KLHL1: variants seen among roughly 807,000 people sequenced by gnomAD.
The protein encoded by KLHL1 is kelch like family member 1, also known as kelch-like protein 1.
Under a neutral mutation model 77.7 loss-of-function variants are expected in KLHL1, and 47 were observed. The observed-to-expected ratio is 0.60, with a 90% confidence interval of 0.48 to 0.77. KLHL1 has a LOEUF of 0.77. Ranked by LOEUF, KLHL1 falls within the 30% of genes least tolerant of loss-of-function variation. The probability of loss-of-function intolerance (pLI) is 0.00; values close to 1 mark genes in which losing one functional copy is unlikely to be tolerated. For synonymous variants in KLHL1, 360 were observed against 325.2 expected (o/e 1.11, Z -1.15); for missense variants, 925 against 910.8 (o/e 1.02, Z -0.20).
rs74090438 is a variant in KLHL1, at chr13:69,740,677, T to A, written c.1640-121A>T. 11,358 of 600,772 alleles carry A rather than the reference T, an allele frequency of 0.019. 711 individuals are homozygous for A. Among genetic ancestry groups the A allele is most frequent in the African/African-American group, 0.15 (8,351 of 54,194 alleles). The allele number at this position is 600,772 out of a possible 1,614,324, so 37.2% of individuals were successfully genotyped here. A position where few individuals can be genotyped will look rare whatever the true frequency, so the allele number is the denominator to read the frequency against. On this transcript the variant is annotated intron_variant, in intron 7 of 10. Coordinates refer to ENST00000377844, the MANE Select transcript of KLHL1 (RefSeq NM_020866.3). Reference sequence around the variant, plus strand: ...CTAACATAATAAAATGAAAAAAAATTAAAAATTGAATAGATTTATTTCACA... The same window carrying A: ...CTAACATAATAAAATGAAAAAAAATAAAAAATTGAATAGATTTATTTCACA...
chr13:69,766,264 A>G (rs1452709961), intron 7 of KLHL1, among the ~76,000 whole-genome samples: 2 of 151,844 alleles, frequency 1.3e-5, no homozygotes, highest in Admixed American at 6.6e-5. Flanking sequence ...CCTCAAAGGT[A>G]TAAGTTTTTC....
chr13:69,838,820 C>A (rs1879128989), intron 6 of KLHL1, among the ~76,000 whole-genome samples, 156 bp downstream of exon 6: 1 of 151,824 alleles, frequency 6.6e-6, no homozygotes, highest in Non-Finnish European at 1.5e-5. Context: ...CAGACAGCAG[C>A]TACAATTAAG....
chr13:70,016,726 A>G (rs1446144083), intron 1 of KLHL1, among the ~76,000 whole-genome samples: 1 of 152,180 alleles, frequency 6.6e-6, no homozygotes, highest in African/African-American at 2.4e-5. Context: ...GGAGGCAGAC[A>G]GGCTCCTGGA....
At chr13:69,959,538 CT>C (rs894641147) in intron 3 of KLHL1, among the ~76,000 whole-genome samples, 1 of 146,416 alleles carries the variant, frequency 6.8e-6, no homozygotes, top group Non-Finnish European at 1.5e-5. Flanking sequence ...GCTCACCCCT[CT>C]TTTTTCAGAC....
intron 7 of KLHL1, among the ~76,000 whole-genome samples, chr13:69,772,058 T>C (rs1488312678): frequency 3.9e-5 from 6 of 152,208 alleles, no homozygotes; most frequent in Non-Finnish European, 8.8e-5. Flanking sequence ...TTCAAGCAAT[T>C]ATCCTGCCTT....
intron 1 of KLHL1, among the ~76,000 whole-genome samples, chr13:69,991,303 T>G (rs1314085881): frequency 2.0e-5 from 3 of 151,236 alleles, no homozygotes; most frequent in African/African-American, 7.3e-5. Context: ...ACAACCCAAA[T>G]CAGAGCTGAA....
chr13:69,864,014 A>C (rs2138158909), intron 5 of KLHL1, among the ~76,000 whole-genome samples: 1 of 152,162 alleles, frequency 6.6e-6, no homozygotes. Context: ...GCAATAATTT[A>C]TACTTAGATT....
intron 7 of KLHL1, among the ~76,000 whole-genome samples, chr13:69,790,671 C>CTAAT (rs199863873): frequency 0.012 from 1,753 of 152,190 alleles, 35 homozygotes; most frequent in African/African-American, 0.039. Flanking sequence ...ATATACTCTA[C>CTAAT]TAATTAATTG....
intron 4 of KLHL1, among the ~76,000 whole-genome samples, chr13:69,911,090 T>C (rs1041433022): frequency 3.3e-5 from 5 of 152,090 alleles, no homozygotes; most frequent in African/African-American, 1.2e-4. Context: ...TTCCCTAGAA[T>C]TGTTAGTAAT....
chr13:69,940,349 TG>T, intron 3 of KLHL1, 113 bp from the exon 4 acceptor site: 1 of 697,574 alleles, frequency 1.4e-6, no homozygotes, highest in African/African-American at 1.9e-5. Context: ...AAACTGAGAT[TG>T]GTAATCAAGA....
chr13:69,744,008 TA>T lies in KLHL1; in HGVS notation c.1640-3453del, dbSNP rs1044253329. 3.3e-4 allele frequency among the ~76,000 whole-genome samples: 50 copies of T among 152,224 alleles called. No individual in the cohort carries two copies. In the Middle Eastern group the frequency reaches 0.01, roughly 31 times the overall value. ...TAAGTGGGGCAAATAAATAGGCAGT[TA>T]AATATACATGCCTACAGTTCAAGAC... On this transcript the variant is annotated intron_variant, in intron 7 of 10. Coordinates refer to ENST00000377844, the MANE Select transcript of KLHL1 (RefSeq NM_020866.3).
chr13:69,706,843 C>T (rs1225697792), intron 10 of KLHL1, among the ~76,000 whole-genome samples: 1 of 151,720 alleles, frequency 6.6e-6, no homozygotes. Context: ...ATGTTTTTCA[C>T]TGTAATTAGT....
At chr13:70,044,669 T>C (rs1210347199) in intron 1 of KLHL1, among the ~76,000 whole-genome samples, 1 of 152,222 alleles carries the variant, frequency 6.6e-6, no homozygotes, top group Non-Finnish European at 1.5e-5. Flanking sequence ...ACTGTATCCA[T>C]TTCTATACAT....
intron 1 of KLHL1, among the ~76,000 whole-genome samples, chr13:70,093,448 T>C (rs753593940): frequency 6.6e-6 from 1 of 152,070 alleles, no homozygotes; most frequent in Non-Finnish European, 1.5e-5. Flanking sequence ...AATAAAAGAG[T>C]AATACATTTT....
At chr13:70,088,981 T>A (rs903961284) in intron 1 of KLHL1, among the ~76,000 whole-genome samples, 3 of 152,178 alleles carry the variant, frequency 2.0e-5, no homozygotes, top group Non-Finnish European at 4.4e-5. Context: ...TATTGTTTCT[T>A]ATCAGTACCT....
intron 5 of KLHL1, among the ~76,000 whole-genome samples, chr13:69,855,345 T>TAGAGATAG (rs1566329642): frequency 8.7e-4 from 63 of 72,358 alleles, no homozygotes; most frequent in African/African-American, 1.3e-3. Context: ...GATAGATAGA[T>TAGAGATAG]AGACAGACAG....
At chr13:69,851,156 T>C (rs539701916) in intron 5 of KLHL1, among the ~76,000 whole-genome samples, 6,939 of 127,874 alleles carry the variant, frequency 0.054, 537 homozygotes, top group African/African-American at 0.18. Flanking sequence ...TTAAGTACTG[T>C]GTTTACTTAA....
chr13:69,840,990 C>T (rs983608626), intron 5 of KLHL1, among the ~76,000 whole-genome samples: 1 of 151,746 alleles, frequency 6.6e-6, no homozygotes, highest in African/African-American at 2.4e-5. Context: ...ATATGTAAAG[C>T]TGGCTCTCAT....
At chr13:69,856,971 A>G (rs1431408965) in intron 5 of KLHL1, among the ~76,000 whole-genome samples, 1 of 151,982 alleles carries the variant, frequency 6.6e-6, no homozygotes, top group Non-Finnish European at 1.5e-5. Context: ...TACCGTTCCA[A>G]CCTTCCTCAT....
Sources: allele counts gnomAD v4.1 joint callset (sites outside exome capture counted in the v4.1 genomes callset), GRCh38; gene constraint gnomAD v4.1.1; transcripts MANE v1.5; gene names NCBI Gene and HGNC (gene_info 2026-07-23, HGNC 2026-07-21).